The following NETO2 variants were observed in gnomAD, a reference collection of about 807,000 sequenced individuals.
The protein encoded by NETO2 is neuropilin and tolloid-like protein 2.
NETO2 carries 28 observed loss-of-function variants against 62.5 expected under a neutral mutation model. That is an observed-to-expected ratio of 0.45 (90% CI 0.33 to 0.61). NETO2 has a LOEUF of 0.61. Among genes scored for constraint, NETO2 ranks in the 20% least tolerant of loss-of-function variants. The pLI is 0.02. For synonymous variants in NETO2, 214 were observed against 219.1 expected, an observed-to-expected ratio of 0.98 and a Z score of 0.21; for missense variants, 548 against 643.2, an observed-to-expected ratio of 0.85 and a Z score of 1.60.
chr16:47,131,011 A>G (rs1964256289), intron 2 of NETO2, among the ~76,000 whole-genome samples: 1 of 152,144 alleles, frequency 6.6e-6, no homozygotes, highest in African/African-American at 2.4e-5. Context: ...AAGTAAAATA[A>G]TAGAATTCCT....
intron 7 of NETO2, among the ~76,000 whole-genome samples, chr16:47,094,105 C>T (rs1371360628): frequency 6.6e-6 from 1 of 151,980 alleles, no homozygotes; most frequent in Admixed American, 6.6e-5. Flanking sequence ...GCTAACCAGC[C>T]CTGCCCAAAT....
chr16:47,133,599 C>CATAAA (rs1313518082), intron 1 of NETO2, among the ~76,000 whole-genome samples: 22 of 122,610 alleles, frequency 1.8e-4, no homozygotes, highest in South Asian at 8.0e-4. Flanking sequence ...CATAAAATGA[C>CATAAA]ATAACATAAA....
chr16:47,108,103 CAAT>C (rs769711343), intron 7 of NETO2, among the ~76,000 whole-genome samples: 2 of 151,708 alleles, frequency 1.3e-5, no homozygotes, highest in Non-Finnish European at 2.9e-5. Context: ...AATATTATAA[CAAT>C]AGAATAAAAT....
At chr16:47,087,335 TATTA>T (rs770744979) in intron 7 of NETO2, among the ~76,000 whole-genome samples, 46 of 152,180 alleles carry the variant, frequency 3.0e-4, no homozygotes, top group Admixed American at 5.2e-4. Flanking sequence ...TATAATTACA[TATTA>T]ATTATTGTAT....
chr16:47,124,948 A>T (rs1285245145), intron 4 of NETO2, among the ~76,000 whole-genome samples: 1 of 152,248 alleles, frequency 6.6e-6, no homozygotes, highest in Admixed American at 6.5e-5. Context: ...ACTATAGGCC[A>T]TTTAAAGTTG....
chr16:47,143,043 G>C (rs995356428), intron 1 of NETO2, among the ~76,000 whole-genome samples: 1 of 151,852 alleles, frequency 6.6e-6, no homozygotes, highest in Admixed American at 6.6e-5. Context: ...CTCCGTGGCC[G>C]CAGCAGGTGG....
intron 7 of NETO2, among the ~76,000 whole-genome samples, chr16:47,091,133 T>TA (rs1963304036): frequency 6.6e-6 from 1 of 152,324 alleles, no homozygotes; most frequent in East Asian, 1.9e-4. Flanking sequence ...CTCTTGTTTT[T>TA]AAAAAACTCT....
chr16:47,142,433 T>C (rs920654291), intron 1 of NETO2, among the ~76,000 whole-genome samples: 22 of 152,178 alleles, frequency 1.4e-4, no homozygotes, highest in African/African-American at 5.1e-4. Flanking sequence ...AAAAGCAAAA[T>C]TACACTGAAC....
chr16:47,084,188 G>C (rs1201695867), intron 8 of NETO2, among the ~76,000 whole-genome samples: 2 of 152,200 alleles, frequency 1.3e-5, no homozygotes, highest in Admixed American at 6.5e-5. Flanking sequence ...CGCATCTACT[G>C]ATGACCCCAG....
intron 7 of NETO2, among the ~76,000 whole-genome samples, chr16:47,105,407 T>A (rs1232752947): frequency 2.0e-5 from 3 of 151,952 alleles, no homozygotes; most frequent in African/African-American, 7.3e-5. Flanking sequence ...AGCAAACATA[T>A]GAGAAAAGCT....
chr16:47,121,062 G>A (rs1420274679), intron 6 of NETO2, among the ~76,000 whole-genome samples: 1 of 152,072 alleles, frequency 6.6e-6, no homozygotes, highest in Non-Finnish European at 1.5e-5. Flanking sequence ...CTCTTCCAGC[G>A]ATACACTCTG....
At chr16:47,106,780 T>C (rs941062230) in intron 7 of NETO2, among the ~76,000 whole-genome samples, 7 of 151,826 alleles carry the variant, frequency 4.6e-5, no homozygotes, top group African/African-American at 1.7e-4. Flanking sequence ...TTCCAGGATA[T>C]AATTTTTTTT....
intron 6 of NETO2, among the ~76,000 whole-genome samples, chr16:47,114,439 C>CT (rs33994080): frequency 0.054 from 2,062 of 37,956 alleles, 702 homozygotes; most frequent in Non-Finnish European, 0.084. Flanking sequence ...TTATAAATTT[C>CT]TTTTTTTTTT....
chr16:47,099,267 A>T (rs896099086), intron 7 of NETO2, among the ~76,000 whole-genome samples: 1 of 152,138 alleles, frequency 6.6e-6, no homozygotes, highest in South Asian at 2.1e-4. Context: ...ATGCTAAGAG[A>T]CTCTGTCACC....
In NETO2 at chr16:47,143,675, A is replaced by T; in HGVS notation, c.-63T>A. ...TAGCGGCGGCGGTGGCTCGGCGCTC[A>T]CGGCTCGGCGCGGCGGCGACGGCCC... is the stretch of plus-strand genomic sequence containing the variant. On this transcript the variant is annotated 5_prime_UTR_variant, in exon 1 of 9. An upstream open reading frame in the 5' UTR loses its in-frame stop. Transcript: ENST00000562435. 4 of 1,216,230 alleles carry T rather than the reference A, an allele frequency of 3.3e-6. No homozygotes were observed. Among genetic ancestry groups the T allele is most frequent in the Non-Finnish European group, 4.1e-6 (4 of 976,926 alleles). 75.3% of individuals were successfully genotyped at this position (1,216,230 alleles called of 1,614,324 possible).
rs115914021 is a variant in NETO2, at chr16:47,117,028, T to C, written c.654+5629A>G. Among the ~76,000 whole-genome samples the C allele has an allele frequency of 7.8e-3, 1,184 of 152,316 alleles. 13 individuals are homozygous for C. Among genetic ancestry groups the C allele is most frequent in the African/African-American group, 0.027 (1,141 of 41,556 alleles). On this transcript the variant is annotated intron_variant, in intron 6 of 8. Transcript: ENST00000562435. ...CAGATATTTACCATTCGTTTCCCTT[T>C]AGTCATGAAGTTTCATGATTTTTTC... is the stretch of plus-strand genomic sequence containing the variant.
chr16:47,118,516 G>T (rs1028766809), intron 6 of NETO2, among the ~76,000 whole-genome samples: 1 of 152,138 alleles, frequency 6.6e-6, no homozygotes, highest in Non-Finnish European at 1.5e-5. Flanking sequence ...TGTGAGTTCT[G>T]ATTAAGAGAG....
At chr16:47,103,183 CAT>C (rs1200804246) in intron 7 of NETO2, among the ~76,000 whole-genome samples, 1 of 152,072 alleles carries the variant, frequency 6.6e-6, no homozygotes, top group Non-Finnish European at 1.5e-5. Flanking sequence ...AGCAAACTAA[CAT>C]AGGAAAAGAA....
Position 47,109,470 on chromosome 16 carries a change from ATTAT to A in NETO2, c.883+9_883+12del, listed in dbSNP as rs560593502. On this transcript the variant is annotated intron_variant, in intron 7 of 8. Coordinates refer to ENST00000562435, the MANE Select transcript of NETO2 (RefSeq NM_018092.5). ...TGTAAAAGATCTCAATACTATAGGA[ATTAT>A]TTACTTACGCTCCACAAAGGAAGTA... The A allele has an allele frequency of 1.6e-3, 2,503 of 1,588,692 alleles. 32 individuals are homozygous for A. The African/African-American group carries it at 0.029, about 18-fold the overall frequency.
Sources: allele counts gnomAD v4.1 joint callset (sites outside exome capture counted in the v4.1 genomes callset), GRCh38; gene constraint gnomAD v4.1.1; transcripts MANE v1.5; gene names NCBI Gene and HGNC (gene_info 2026-07-23, HGNC 2026-07-21).